The following TRIM24 variants were observed in gnomAD, a reference collection of about 807,000 sequenced individuals.
TRIM24 encodes tripartite motif containing 24, also known as transcription intermediary factor 1-alpha.
In TRIM24, 29 loss-of-function variants were observed where a neutral mutation model predicts 123.9. The observed-to-expected ratio is 0.23, with a 90% CI of 0.17 to 0.32. The LOEUF (loss-of-function observed/expected upper bound fraction) is 0.32. TRIM24 is among the 10% of genes least tolerant of loss of function. The probability of loss-of-function intolerance (pLI) is 1.00; values close to 1 mark genes in which losing one functional copy is unlikely to be tolerated. For missense variants in TRIM24, 932 were observed against 1,295.3 expected, an observed-to-expected ratio of 0.72 and a Z score of 4.31; for synonymous variants, 456 against 461.1, an observed-to-expected ratio of 0.99 and a Z score of 0.14.
At chr7:138,467,509 T>G (rs1431961721) in intron 1 of TRIM24, among the ~76,000 whole-genome samples, 2 of 152,082 alleles carry the variant, frequency 1.3e-5, no homozygotes, top group Non-Finnish European at 2.9e-5. Context: ...GCCCAGCTGA[T>G]TTTTGTATTT....
chr7:138,476,206 G>A (rs1361628449), intron 1 of TRIM24, among the ~76,000 whole-genome samples: 2 of 152,318 alleles, frequency 1.3e-5, no homozygotes, highest in East Asian at 3.9e-4. Flanking sequence ...GTAGATCTTA[G>A]GGTCATCTAT....
Position 138,587,787 on chromosome 7 carries a change from T to C in TRIM24, c.*2836T>C, listed in dbSNP as rs1401330029. 2.0e-5 allele frequency: 3 copies of C among 152,288 alleles called. No homozygotes were observed. Among genetic ancestry groups the C allele is most frequent in the African/African-American group, 4.8e-5 (2 of 41,454 alleles). 9.4% of individuals were successfully genotyped at this position (152,288 alleles called of 1,614,324 possible). A position where few individuals can be genotyped will look rare whatever the true frequency, so the allele number is the denominator to read the frequency against. On this transcript the variant is annotated 3_prime_UTR_variant, in exon 19 of 19. Transcript: ENST00000343526. Reference sequence around the variant, plus strand: ...ACAGCTTTTCTAGGTGCCAAGCAACTGACTTTTCCTGTGTAAGGAAGCCCA... The same window carrying C: ...ACAGCTTTTCTAGGTGCCAAGCAACCGACTTTTCCTGTGTAAGGAAGCCCA...
chr7:138,498,309 C>A (rs1795960196), intron 1 of TRIM24, among the ~76,000 whole-genome samples: 1 of 152,152 alleles, frequency 6.6e-6, no homozygotes, highest in South Asian at 2.1e-4. Flanking sequence ...ACTGCAGCCT[C>A]TCCCTCCTGG....
chr7:138,464,068 C>A (rs1010548381), intron 1 of TRIM24, among the ~76,000 whole-genome samples: 1 of 133,826 alleles, frequency 7.5e-6, no homozygotes, highest in African/African-American at 2.8e-5. Flanking sequence ...GATCTCGGCT[C>A]ACTGCTAGCT....
chr7:138,463,990 T>A (rs866312181), intron 1 of TRIM24, among the ~76,000 whole-genome samples: 54 of 53,188 alleles, frequency 1.0e-3, no homozygotes, highest in African/African-American at 4.2e-3. Flanking sequence ...AAATTTAGAC[T>A]TTTTTTTTTT....
In TRIM24 at chr7:138,580,156, G is replaced by A. The variant is rs527823036; in HGVS notation, c.2586-406G>A. 1.0e-3 allele frequency among the ~76,000 whole-genome samples: 155 copies of A among 152,208 alleles called. 2 individuals carry two copies. The highest frequency in any genetic ancestry group is 3.6e-3 in the African/African-American group (148 of 41,542). ...CCATTGGGTTGATCTCTCAGTTCTTGGAAGGCCATACTTTTGAAAATTTAA... is the reference window on the plus strand; with the variant it reads ...CCATTGGGTTGATCTCTCAGTTCTTAGAAGGCCATACTTTTGAAAATTTAA... On this transcript the variant is annotated intron_variant, in intron 15 of 18. Coordinates refer to ENST00000343526, the MANE Select transcript of TRIM24 (RefSeq NM_015905.3).
At chr7:138,545,417 A>C in intron 7 of TRIM24, 2 of 456,774 alleles carry the variant, frequency 4.4e-6, no homozygotes, top group Non-Finnish European at 8.8e-6. Context: ...TAAATAAGTA[A>C]ATGGATTGAA....
At chr7:138,563,894 C>T (rs1281320480) in intron 9 of TRIM24, among the ~76,000 whole-genome samples, 1 of 152,168 alleles carries the variant, frequency 6.6e-6, no homozygotes, top group African/African-American at 2.4e-5. Context: ...ATTTGAATCC[C>T]AGTGGGGGTC....
chr7:138,545,825 T>C (rs1023925824), intron 7 of TRIM24, among the ~76,000 whole-genome samples: 11 of 152,148 alleles, frequency 7.2e-5, no homozygotes, highest in Non-Finnish European at 1.5e-4. Flanking sequence ...GGGCTCCCAC[T>C]GGGAAAACCA....
chr7:138,552,480 CTA>C (rs1797231853), intron 8 of TRIM24, among the ~76,000 whole-genome samples: 1 of 152,060 alleles, frequency 6.6e-6, no homozygotes, highest in South Asian at 2.1e-4. Flanking sequence ...CACAGGGAAA[CTA>C]TACAAACAAA....
At chr7:138,465,688 G>A (rs991384414) in intron 1 of TRIM24, among the ~76,000 whole-genome samples, 1 of 152,052 alleles carries the variant, frequency 6.6e-6, no homozygotes, top group African/African-American at 2.4e-5. Flanking sequence ...TAATGGCAAA[G>A]GATTAATATT....
At chr7:138,520,879 AT>A (rs1796491421) in intron 4 of TRIM24, among the ~76,000 whole-genome samples, 1 of 152,176 alleles carries the variant, frequency 6.6e-6, no homozygotes, top group Non-Finnish European at 1.5e-5. Context: ...TGTGGATGTA[AT>A]TGCAGTCCAA....
chr7:138,536,061 C>T (rs1469460016), intron 6 of TRIM24, among the ~76,000 whole-genome samples: 1 of 152,176 alleles, frequency 6.6e-6, no homozygotes, highest in Non-Finnish European at 1.5e-5. Flanking sequence ...TGGTTTTCAG[C>T]TCCATCGGGT....
chr7:138,550,990 T>A, intron 7 of TRIM24, 73 bp from the exon 8 acceptor site: 1 of 1,202,808 alleles, frequency 8.3e-7, no homozygotes, highest in South Asian at 1.3e-5. Context: ...TACCAGAGAC[T>A]GTTTTTGTAT....
intron 1 of TRIM24, among the ~76,000 whole-genome samples, chr7:138,497,432 G>T (rs970634315): frequency 8.1e-6 from 1 of 123,386 alleles, no homozygotes; most frequent in Admixed American, 1.1e-4. Flanking sequence ...AAAGAGTCTC[G>T]CTCTGTCTCC....
chr7:138,482,997 A>G (rs917704039), intron 1 of TRIM24, among the ~76,000 whole-genome samples: 18 of 152,166 alleles, frequency 1.2e-4, no homozygotes, highest in African/African-American at 4.3e-4. Flanking sequence ...GGATCACTGC[A>G]GCCTCAGCCT....
Position 138,580,706 on chromosome 7 carries a change from G to A in TRIM24, c.2718+12G>A, listed in dbSNP as rs772309671. On this transcript the variant is annotated intron_variant, in intron 16 of 18. Transcript: ENST00000343526. ...CTATAGATAAAAGGGTAAGTCTTTG[G>A]TAAGATGCATTATTGTATTGTAGTG... 14 of 1,611,120 alleles carry A rather than the reference G, an allele frequency of 8.7e-6. No individual in the cohort carries two copies. Among genetic ancestry groups the A allele is most frequent in the Admixed American group, 1.7e-5 (1 of 59,672 alleles).
chr7:138,558,789 G>A (rs1797367850), intron 9 of TRIM24, among the ~76,000 whole-genome samples: 1 of 152,244 alleles, frequency 6.6e-6, no homozygotes, highest in Non-Finnish European at 1.5e-5. Context: ...GGTGAGATGT[G>A]CAGGATAGCA....
intron 7 of TRIM24, among the ~76,000 whole-genome samples, chr7:138,547,978 T>C (rs1797134479): frequency 6.6e-6 from 1 of 152,184 alleles, no homozygotes; most frequent in Admixed American, 6.5e-5. Context: ...CCAACGGGAT[T>C]TGCCGACAGG....
Sources: gnomAD v4.1 joint callset for allele counts (sites outside exome capture counted in the v4.1 genomes callset) on GRCh38, gnomAD v4.1.1 for gene constraint, MANE v1.5 for transcripts, NCBI Gene and HGNC (gene_info 2026-07-23, HGNC 2026-07-21) for gene names.